The following FOXO3 variants were observed in gnomAD, a reference collection of about 807,000 sequenced individuals.
The protein encoded by FOXO3 is forkhead box protein O3.
In FOXO3, 4 loss-of-function variants were observed where a neutral mutation model predicts 41.9. That is an observed-to-expected ratio of 0.10 (90% confidence interval 0.05 to 0.22). The LOEUF is 0.22. FOXO3 is among the 10% of genes least tolerant of loss of function. The pLI, the probability that FOXO3 is intolerant of heterozygous loss-of-function variation, is 1.00. For missense variants in FOXO3, 534 were observed against 906.8 expected (o/e 0.59, Z 5.28); for synonymous variants, 318 against 389.3 (o/e 0.82, Z 2.16).
intron 2 of FOXO3, among the ~76,000 whole-genome samples, chr6:108,667,012 C>A (rs1289158042): frequency 1.3e-5 from 2 of 152,176 alleles, no homozygotes; most frequent in African/African-American, 4.8e-5. Context: ...TGATGAAGGA[C>A]TTAACAAGGG....
At chr6:108,575,277 T>G (rs1776231793) in intron 1 of FOXO3, among the ~76,000 whole-genome samples, 2 of 152,156 alleles carry the variant, frequency 1.3e-5, no homozygotes, top group African/African-American at 4.8e-5. Flanking sequence ...TCAGCATAAT[T>G]GCTTTGGTTC....
chr6:108,649,150 A>G (rs1562257446), intron 1 of FOXO3, among the ~76,000 whole-genome samples: 5 of 151,814 alleles, frequency 3.3e-5, no homozygotes, highest in East Asian at 1.9e-4. Context: ...TCTATTTTGC[A>G]TTGGTTCTTC....
At chr6:108,588,375 T>TA (rs1248074137) in intron 1 of FOXO3, among the ~76,000 whole-genome samples, 12 of 152,184 alleles carry the variant, frequency 7.9e-5, no homozygotes, top group Admixed American at 1.3e-4. Flanking sequence ...AATCAAGACT[T>TA]AAAAAAGGTA....
At chr6:108,602,432 A>G (rs1777077637) in intron 1 of FOXO3, among the ~76,000 whole-genome samples, 1 of 152,216 alleles carries the variant, frequency 6.6e-6, no homozygotes, top group Non-Finnish European at 1.5e-5. Context: ...ACTTGGCCTA[A>G]GAAGATCTTT....
chr6:108,597,397 A>G (rs1348092946), intron 1 of FOXO3, among the ~76,000 whole-genome samples: 2 of 152,232 alleles, frequency 1.3e-5, no homozygotes, highest in African/African-American at 4.8e-5. Context: ...TGTGGAAGGC[A>G]TCTTTCTTTT....
chr6:108,635,388 G>A (rs1778094549), intron 1 of FOXO3, among the ~76,000 whole-genome samples: 1 of 152,046 alleles, frequency 6.6e-6, no homozygotes, highest in Admixed American at 6.6e-5. Context: ...TGAGGAGAGG[G>A]AATACGAAGG....
chr6:108,561,839 C>T lies in FOXO3; in HGVS notation c.621+10C>T. ...CTCTGCCGGCTGGAAGGTGCGTACCCACCCCGGGCTGGCAGCAGGACCCGC... is the reference window on the plus strand; with the variant it reads ...CTCTGCCGGCTGGAAGGTGCGTACCTACCCCGGGCTGGCAGCAGGACCCGC... On this transcript the variant is annotated intron_variant, in intron 1 of 2. Coordinates refer to ENST00000406360, the MANE Select transcript of FOXO3 (RefSeq NM_001455.4). 1 of 1,534,274 alleles carries T rather than the reference C, an allele frequency of 6.5e-7. No individual in the cohort carries two copies. The highest frequency in any genetic ancestry group is 1.2e-5 in the South Asian group (1 of 81,972).
Position 108,594,792 on chromosome 6 carries a change from C to T in FOXO3, c.621+32963C>T, listed in dbSNP as rs185282187. ...CTGGCATGCCCATTCATCCCCAAAT[C>T]GGGCCTTGTTGAATGTGGCACAGCT... On this transcript the variant is annotated intron_variant, in intron 1 of 2. Coordinates refer to ENST00000406360, the MANE Select transcript of FOXO3 (RefSeq NM_001455.4). 3.5e-4 allele frequency among the ~76,000 whole-genome samples: 53 copies of T among 152,282 alleles called. No homozygotes were observed. The East Asian group carries it at 6.4e-3, about 18-fold the overall frequency.
intron 1 of FOXO3, among the ~76,000 whole-genome samples, chr6:108,618,575 C>T (rs551263563): frequency 3.3e-5 from 5 of 152,326 alleles, no homozygotes; most frequent in Non-Finnish European, 4.4e-5. Flanking sequence ...ATGATGTAGC[C>T]CGAGTACTTA....
chr6:108,584,170 G>A (rs548011822), intron 1 of FOXO3, among the ~76,000 whole-genome samples: 96 of 152,360 alleles, frequency 6.3e-4, no homozygotes, highest in African/African-American at 2.3e-3. Context: ...CTTCTGGTGA[G>A]TCTGCAGTAT....
chr6:108,630,689 G>T (rs143116367), intron 1 of FOXO3, among the ~76,000 whole-genome samples: 1 of 152,166 alleles, frequency 6.6e-6, no homozygotes, highest in Non-Finnish European at 1.5e-5. Context: ...TCTCTAAGTT[G>T]TCTCAACTCG....
intron 1 of FOXO3, among the ~76,000 whole-genome samples, chr6:108,620,402 A>G (rs1337379498): frequency 1.3e-5 from 2 of 152,182 alleles, no homozygotes; most frequent in East Asian, 1.9e-4. Flanking sequence ...GGTAAGTGGC[A>G]TCTTTTTATT....
intron 1 of FOXO3, among the ~76,000 whole-genome samples, chr6:108,648,272 A>G (rs529639304): frequency 7.9e-4 from 120 of 152,316 alleles, no homozygotes; most frequent in African/African-American, 2.7e-3. Flanking sequence ...GAATGGACAT[A>G]AGGTGTCTGT....
Position 108,684,348 on chromosome 6 carries a change from T to G in FOXO3, c.*4556T>G, listed in dbSNP as rs1475884738. ...TTTTTTAAGAAAAAAGTTGCATGAA[T>G]GGAAAAAAAAATCTGTATACAGTAT... On this transcript the variant is annotated 3_prime_UTR_variant, in exon 3 of 3. Coordinates refer to ENST00000406360, the MANE Select transcript of FOXO3 (RefSeq NM_001455.4). The G allele has an allele frequency of 5.9e-5, 9 of 152,302 alleles. No homozygotes were observed. The East Asian group carries it at 1.7e-3, about 29-fold the overall frequency. 9.4% of individuals were successfully genotyped at this position (152,302 alleles called of 1,614,324 possible). A position where few individuals can be genotyped will look rare whatever the true frequency, so the allele number is the denominator to read the frequency against.
At chr6:108,591,686 T>C (rs191515464) in intron 1 of FOXO3, among the ~76,000 whole-genome samples, 52 of 152,352 alleles carry the variant, frequency 3.4e-4, no homozygotes, top group African/African-American at 1.2e-3. Flanking sequence ...GTTATCGTTT[T>C]TCTTTCCATT....
At position 108,651,942 on chromosome 6, in the gene FOXO3, A is replaced by G. The variant is rs1778557960; in HGVS notation, c.622-11513A>G. Among the ~76,000 whole-genome samples, 5 of 152,320 alleles carry G rather than the reference A, an allele frequency of 3.3e-5. No individual in the cohort carries two copies. In the South Asian group the frequency reaches 1.0e-3, roughly 32 times the overall value. ...CTCATCTTTTCTGGCTCAATAATAA[A>G]CTAATTACATGTTTTAAATAGTATA... On this transcript the variant is annotated intron_variant, in intron 1 of 2. Coordinates refer to ENST00000406360, the MANE Select transcript of FOXO3 (RefSeq NM_001455.4).
chr6:108,678,039 A>G (rs779737176), intron 2 of FOXO3, among the ~76,000 whole-genome samples: 4 of 152,186 alleles, frequency 2.6e-5, no homozygotes, highest in African/African-American at 9.7e-5. Context: ...AAAACAACCT[A>G]AATTCTTCAA....
intron 1 of FOXO3, among the ~76,000 whole-genome samples, chr6:108,648,322 C>G (rs888508485): frequency 6.6e-6 from 1 of 152,118 alleles, no homozygotes; most frequent in Non-Finnish European, 1.5e-5. Context: ...AGAAATAAAC[C>G]TAAACCTGCT....
intron 1 of FOXO3, among the ~76,000 whole-genome samples, chr6:108,639,951 G>A (rs189627103): frequency 2.0e-5 from 3 of 152,172 alleles, no homozygotes; most frequent in South Asian, 4.1e-4. Context: ...CTCCTTGGAG[G>A]GGCAGAATCT....
Sources: allele counts gnomAD v4.1 joint callset (sites outside exome capture counted in the v4.1 genomes callset), GRCh38; gene constraint gnomAD v4.1.1; transcripts MANE v1.5; gene names NCBI Gene and HGNC (gene_info 2026-07-23, HGNC 2026-07-21).